TNS3: variants seen among roughly 807,000 people sequenced by gnomAD.
TNS3 encodes tensin 3.
TNS3 carries 45 observed loss-of-function variants against 140.9 expected under a neutral mutation model. That is an observed-to-expected ratio of 0.32 (90% CI 0.25 to 0.41). The LOEUF (loss-of-function observed/expected upper bound fraction) is 0.41. TNS3 is among the 10% of genes least tolerant of loss of function. TNS3 has a pLI of 1.00. For missense variants in TNS3, 1,716 were observed against 1,906.7 expected (o/e 0.90, Z 1.86); for synonymous variants, 815 against 788.4 (o/e 1.03, Z -0.56).
intron 4 of TNS3, among the ~76,000 whole-genome samples, chr7:47,447,058 C>CCAGGGGCCATTTTGT (rs1795779304): frequency 4.8e-5 from 4 of 83,310 alleles, no homozygotes; most frequent in Non-Finnish European, 9.5e-5. Flanking sequence ...CAAACTGGCC[C>CCAGGGGCCATTTTGT]CATGGGCTCA....
At position 47,581,507 on chromosome 7, in the gene TNS3, T is replaced by C. The variant is rs553143930; in HGVS notation, c.-265+544A>G. 3.9e-3 allele frequency: 593 copies of C among 152,388 alleles called. 1 individual carries two copies. The highest frequency in any genetic ancestry group is 6.9e-3 in the Non-Finnish European group (472 of 68,112). 9.4% of individuals were successfully genotyped at this position (152,388 alleles called of 1,614,324 possible). On this transcript the variant is annotated intron_variant, in intron 1 of 30. Transcript: ENST00000311160. ...GAAGCCCCTAGCTGCGCTCTCCACCTGGAGTCTCGAGACGGAGTCCTAGGG... is the reference window on the plus strand; with the variant it reads ...GAAGCCCCTAGCTGCGCTCTCCACCCGGAGTCTCGAGACGGAGTCCTAGGG...
intron 6 of TNS3, among the ~76,000 whole-genome samples, chr7:47,438,485 C>T (rs560336924): frequency 4.1e-4 from 63 of 152,304 alleles, no homozygotes; most frequent in African/African-American, 1.5e-3. Flanking sequence ...AGGAGGAAGC[C>T]CTGAGGAGGA....
chr7:47,552,842 G>A (rs1367553838), intron 1 of TNS3, among the ~76,000 whole-genome samples: 1 of 152,232 alleles, frequency 6.6e-6, no homozygotes, highest in Non-Finnish European at 1.5e-5. Context: ...GCTCAGACAG[G>A]CTAAAAGCCA....
chr7:47,307,263 T>C (rs1271815648), intron 20 of TNS3, among the ~76,000 whole-genome samples: 1 of 152,210 alleles, frequency 6.6e-6, no homozygotes, highest in Non-Finnish European at 1.5e-5. Context: ...TATAAACTCT[T>C]TTTTTCCTCT....
At chr7:47,460,620 G>A (rs1042899474) in intron 4 of TNS3, among the ~76,000 whole-genome samples, 1 of 152,254 alleles carries the variant, frequency 6.6e-6, no homozygotes, top group Non-Finnish European at 1.5e-5. Flanking sequence ...CAGGCTGACT[G>A]TGAACAGCAG....
At position 47,280,324 on chromosome 7, in the gene TNS3, G is replaced by A; in HGVS notation, c.4128C>T (p.Asn1376=). The change falls in exon 29 of 31, where the codon AAC becomes AAT. Residue 1376 remains asparagine (N), a synonymous_variant. Coordinates refer to ENST00000311160, the MANE Select transcript of TNS3 (RefSeq NM_022748.12). ...KLFFRRHYPV[N]SVIFCALDPQ... ...GGTCCAAGGCACAGAAAATCACACT[G>A]TTCACGGGGTAATGCCTCCGGAAGA... 6.2e-7 allele frequency: 1 copy of A among 1,614,178 alleles called. No homozygotes were observed. Among genetic ancestry groups the A allele is most frequent in the Non-Finnish European group, 8.5e-7 (1 of 1,180,032 alleles).
intron 4 of TNS3, among the ~76,000 whole-genome samples, chr7:47,445,927 T>A (rs748900109): frequency 2.6e-5 from 4 of 152,346 alleles, no homozygotes; most frequent in Non-Finnish European, 4.4e-5. Context: ...AAACCCTGTG[T>A]GTGCACCATA....
intron 1 of TNS3, among the ~76,000 whole-genome samples, chr7:47,554,416 TCAAAAAAAAAAA>T (rs199948603): frequency 2.6e-3 from 236 of 91,262 alleles, no homozygotes; most frequent in African/African-American, 6.9e-3. Flanking sequence ...AGACTCCATC[TCAAAAAAAAAAA>T]CAAAAAAAAA....
intron 4 of TNS3, among the ~76,000 whole-genome samples, chr7:47,458,275 G>A (rs748163620): frequency 1.9e-4 from 29 of 152,292 alleles, no homozygotes; most frequent in Admixed American, 7.2e-4. Flanking sequence ...ACACACACAC[G>A]CCATGGGACA....
intron 23 of TNS3, among the ~76,000 whole-genome samples, chr7:47,299,095 T>C (rs1786229543): frequency 6.6e-6 from 1 of 152,250 alleles, no homozygotes; most frequent in African/African-American, 2.4e-5. Flanking sequence ...CAGCGTAGTC[T>C]ATAAACTTGG....
intron 4 of TNS3, among the ~76,000 whole-genome samples, chr7:47,457,145 G>A (rs1472920933): frequency 2.2e-5 from 1 of 44,858 alleles, no homozygotes; most frequent in Non-Finnish European, 4.8e-5. Context: ...GGAGGGGAGG[G>A]GAGGGGAGGG....
intron 3 of TNS3, among the ~76,000 whole-genome samples, chr7:47,486,420 TTG>T (rs925050869): frequency 2.6e-5 from 4 of 152,104 alleles, no homozygotes; most frequent in African/African-American, 4.8e-5. Context: ...CTCTGTGTGT[TTG>T]TGTGTGTGCA....
chr7:47,509,787 G>A (rs369685620), intron 2 of TNS3, among the ~76,000 whole-genome samples: 49 of 152,106 alleles, frequency 3.2e-4, no homozygotes, highest in African/African-American at 1.1e-3. Context: ...TCCTGGGCCC[G>A]GCTCAGCTGC....
chr7:47,313,586 C>A (rs1340946830), intron 20 of TNS3, among the ~76,000 whole-genome samples: 1 of 152,204 alleles, frequency 6.6e-6, no homozygotes. Context: ...GCATGCAGTA[C>A]CTGTTTCTAT....
At chr7:47,415,238 A>G in intron 10 of TNS3, 32 bp from the exon 11 acceptor site, 5 of 1,494,540 alleles carry the variant, frequency 3.3e-6, no homozygotes, top group Non-Finnish European at 3.7e-6. Context: ...TACACTTCCC[A>G]GAAGTGTCTT....
intron 23 of TNS3, among the ~76,000 whole-genome samples, chr7:47,299,027 C>G (rs1044855574): frequency 6.6e-6 from 1 of 152,228 alleles, no homozygotes; most frequent in African/African-American, 2.4e-5. Context: ...TGGGGGGCCT[C>G]CTGGGGCAGG....
intron 27 of TNS3, among the ~76,000 whole-genome samples, chr7:47,285,243 C>T (rs1785354251): frequency 6.6e-6 from 1 of 152,176 alleles, no homozygotes. Context: ...TAGCTGAAGA[C>T]ACTCTGAGGA....
intron 1 of TNS3, among the ~76,000 whole-genome samples, chr7:47,537,966 A>ACCCCCC (rs113842617): frequency 4.0e-5 from 5 of 126,118 alleles, no homozygotes; most frequent in East Asian, 4.9e-4. Flanking sequence ...CCCTCACCGC[A>ACCCCCC]CCCCCCCCAC....
chr7:47,561,916 G>A lies in TNS3; in HGVS notation c.-265+20135C>T, dbSNP rs997940613. ...AAGACCTGCTGAGCACAGCTCCCATGCAGCTAGCCCACTAGACCTCAAGAA... is the reference window on the plus strand; with the variant it reads ...AAGACCTGCTGAGCACAGCTCCCATACAGCTAGCCCACTAGACCTCAAGAA... On this transcript the variant is annotated intron_variant, in intron 1 of 30. Coordinates refer to ENST00000311160, the MANE Select transcript of TNS3 (RefSeq NM_022748.12). Among the ~76,000 whole-genome samples the A allele has an allele frequency of 1.2e-4, 19 of 152,290 alleles. No individual in the cohort carries two copies. In the Middle Eastern group the frequency reaches 0.01, roughly 82 times the overall value.
Sources: allele counts gnomAD v4.1 joint callset (sites outside exome capture counted in the v4.1 genomes callset), GRCh38; gene constraint gnomAD v4.1.1; transcripts MANE v1.5; gene names NCBI Gene and HGNC (gene_info 2026-07-23, HGNC 2026-07-21).